The following PTPRM variants were observed in gnomAD, a reference collection of about 807,000 sequenced individuals.
PTPRM encodes the protein protein tyrosine phosphatase receptor type M.
PTPRM carries 47 observed loss-of-function variants against 186.7 expected under a neutral mutation model. That is an observed-to-expected ratio of 0.25 (90% CI 0.20 to 0.32). PTPRM has a LOEUF of 0.32. PTPRM is among the 10% of genes least tolerant of loss of function. The pLI, the probability that PTPRM is intolerant of heterozygous loss-of-function variation, is 1.00. For synonymous variants in PTPRM, 668 were observed against 674.9 expected, an observed-to-expected ratio of 0.99 and a Z score of 0.16; for missense variants, 1,494 against 1,865.0, an observed-to-expected ratio of 0.80 and a Z score of 3.66.
intron 7 of PTPRM, among the ~76,000 whole-genome samples, chr18:7,963,342 C>A (rs1471162655): frequency 6.6e-6 from 1 of 152,182 alleles, no homozygotes; most frequent in African/African-American, 2.4e-5. Flanking sequence ...TGTGCTTGAA[C>A]CCTAAGGCAG....
At chr18:7,572,811 C>T (rs553107387) in intron 1 of PTPRM, among the ~76,000 whole-genome samples, 7 of 152,148 alleles carry the variant, frequency 4.6e-5, no homozygotes, top group South Asian at 4.2e-4. Context: ...ATTTTATAAG[C>T]GAGGGAAGGT....
intron 22 of PTPRM, among the ~76,000 whole-genome samples, chr18:8,321,809 T>C (rs1411746310): frequency 6.6e-6 from 1 of 152,184 alleles, no homozygotes; most frequent in Non-Finnish European, 1.5e-5. Flanking sequence ...ATACATATCA[T>C]ATTAAGAATA....
chr18:8,227,714 A>G (rs2094231797), intron 14 of PTPRM, among the ~76,000 whole-genome samples: 1 of 152,164 alleles, frequency 6.6e-6, no homozygotes, highest in Non-Finnish European at 1.5e-5. Context: ...TCTCTTTCTC[A>G]CTTATATTTA....
At chr18:8,099,107 GCA>G (rs144615554) in intron 11 of PTPRM, among the ~76,000 whole-genome samples, 29 of 151,266 alleles carry the variant, frequency 1.9e-4, no homozygotes, top group Middle Eastern at 3.4e-3. Flanking sequence ...TGTCCTGCCT[GCA>G]CACACACACA....
At chr18:7,634,359 G>A (rs2038263544) in intron 1 of PTPRM, among the ~76,000 whole-genome samples, 1 of 151,910 alleles carries the variant, frequency 6.6e-6, no homozygotes, top group South Asian at 2.1e-4. Context: ...ATAGTATTTG[G>A]TCTTCTCCAC....
intron 1 of PTPRM, among the ~76,000 whole-genome samples, chr18:7,651,407 G>T (rs1191995681): frequency 6.6e-6 from 1 of 151,766 alleles, no homozygotes; most frequent in Non-Finnish European, 1.5e-5. Context: ...AACATAAAAA[G>T]GGTTCATACC....
chr18:8,387,007 A>T lies in PTPRM; in HGVS notation c.4045-65A>T, dbSNP rs2095779319. ...AAGATCAAGTAAGTGGAATCAGCCC[A>T]CTGGAATTCAGTAAATAATGCCTGT... On this transcript the variant is annotated intron_variant, in intron 30 of 32. Transcript: ENST00000580170. 2.7e-6 allele frequency: 4 copies of T among 1,460,532 alleles called. No homozygotes were observed. The African/African-American group carries it at 4.2e-5, about 15-fold the overall frequency. The allele number at this position is 1,460,532 out of a possible 1,614,324, so 90.5% of individuals were successfully genotyped here.
At chr18:7,870,970 C>T (rs532812269) in intron 2 of PTPRM, among the ~76,000 whole-genome samples, 7 of 152,280 alleles carry the variant, frequency 4.6e-5, no homozygotes, top group East Asian at 1.9e-4. Context: ...AGTGGGAGTT[C>T]GCCTCCCTGG....
intron 11 of PTPRM, among the ~76,000 whole-genome samples, chr18:8,113,116 T>C (rs12458081): frequency 6.6e-6 from 1 of 152,242 alleles, no homozygotes; most frequent in Non-Finnish European, 1.5e-5. Flanking sequence ...TATAATTTAA[T>C]TGTATTTATC....
At chr18:7,713,085 G>A (rs979594564) in intron 1 of PTPRM, among the ~76,000 whole-genome samples, 1 of 152,128 alleles carries the variant, frequency 6.6e-6, no homozygotes, top group African/African-American at 2.4e-5. Context: ...CACCAAGATT[G>A]AAATGAAGGA....
At position 8,164,688 on chromosome 18, in the gene PTPRM, G is replaced by A. The variant is rs191597722; in HGVS notation, c.2300+20909G>A. ...GAAAGTAGTATGGTAGCTGCCAGGGGCTTGGGGAAGAAGGCAATGAGGAAT... is the reference window on the plus strand; with the variant it reads ...GAAAGTAGTATGGTAGCTGCCAGGGACTTGGGGAAGAAGGCAATGAGGAAT... On this transcript the variant is annotated intron_variant, in intron 14 of 32. Transcript: ENST00000580170. Among the ~76,000 whole-genome samples the A allele has an allele frequency of 1.1e-4, 17 of 152,292 alleles. No homozygotes were observed. In the East Asian group the frequency reaches 3.1e-3, roughly 28 times the overall value.
At chr18:7,794,077 T>G (rs1461911317) in intron 2 of PTPRM, among the ~76,000 whole-genome samples, 1 of 152,170 alleles carries the variant, frequency 6.6e-6, no homozygotes, top group East Asian at 1.9e-4. Flanking sequence ...CCCTTCTGGC[T>G]TCCCCATCTG....
At position 7,602,815 on chromosome 18, in the gene PTPRM, T is replaced by A. The variant is rs571573081; in HGVS notation, c.73+34924T>A. Among the ~76,000 whole-genome samples, 27 of 149,336 alleles carry A rather than the reference T, an allele frequency of 1.8e-4. No homozygotes were observed. The East Asian group carries it at 5.3e-3, about 29-fold the overall frequency. On this transcript the variant is annotated intron_variant, in intron 1 of 32. Coordinates refer to ENST00000580170, the MANE Select transcript of PTPRM (RefSeq NM_001105244.2). The stretch of plus-strand genomic sequence containing the variant: ...GACAATGCTTCAGTGAATTTAAATA[T>A]ATATAATATATATATTTCAATACTT...
chr18:7,815,162 C>G (rs1404187655), intron 2 of PTPRM: 1 of 152,316 alleles, frequency 6.6e-6, no homozygotes, highest in Non-Finnish European at 1.5e-5. Flanking sequence ...CACCTACTGC[C>G]TGTTGGCTAA....
chr18:7,787,294 G>A (rs959269938), intron 2 of PTPRM, among the ~76,000 whole-genome samples: 7 of 152,186 alleles, frequency 4.6e-5, no homozygotes, highest in Non-Finnish European at 7.4e-5. Flanking sequence ...GGATGATTAA[G>A]TTCTGGAAAA....
intron 2 of PTPRM, among the ~76,000 whole-genome samples, chr18:7,783,748 T>TTGTGTGTGTGTG (rs60314284): frequency 6.8e-6 from 1 of 146,620 alleles, no homozygotes; most frequent in Non-Finnish European, 1.5e-5. Context: ...ATTTTTAATT[T>TTGTGTGTGTGTG]TGTGTGTGTG....
At chr18:7,872,375 TTTCTC>T (rs1313777611) in intron 2 of PTPRM, among the ~76,000 whole-genome samples, 1 of 152,196 alleles carries the variant, frequency 6.6e-6, no homozygotes, top group Non-Finnish European at 1.5e-5. Context: ...CACCTAATAT[TTTCTC>T]TTCATGTTAT....
At chr18:8,358,813 G>A (rs1264093504) in intron 23 of PTPRM, among the ~76,000 whole-genome samples, 5 of 152,186 alleles carry the variant, frequency 3.3e-5, no homozygotes, top group Non-Finnish European at 5.9e-5. Flanking sequence ...TTTCAGGAGA[G>A]GTGGAAGAAT....
In PTPRM at chr18:7,888,283, T is replaced by G; in HGVS notation, c.374T>G (p.Leu125Arg). The change falls in exon 3 of 33, where the codon CTG becomes CGG. Residue 125 changes from leucine (L) to arginine (R), a missense_variant. Physicochemically the swap from Leu to Arg is moderately radical, Grantham distance 102. Around this residue, in one of 3 missense-constraint regions of PTPRM, gnomAD observed 296 missense variants for 345.5 expected, o/e 0.86. Transcript: ENST00000580170. ...TACGTGAAGGTCAATAACGGGCCAC[T>G]GGGGAATCCTATCTGGAATATATCT... Reference protein sequence around the residue: ...NVYVKVNNGPLGNPIWNISGD... With the variant: ...NVYVKVNNGPRGNPIWNISGD... 6.2e-7 allele frequency: 1 copy of G among 1,614,140 alleles called. No homozygotes were observed. Among genetic ancestry groups the G allele is most frequent in the Non-Finnish European group, 8.5e-7 (1 of 1,180,014 alleles).
Sources: gnomAD v4.1 joint callset for allele counts (sites outside exome capture counted in the v4.1 genomes callset) on GRCh38, gnomAD v4.1.1 for gene constraint, gnomAD v4.1.1 regional missense constraint, MANE v1.5 for transcripts, NCBI Gene and HGNC (gene_info 2026-07-23, HGNC 2026-07-21) for gene names.